The following PRUNE2 variants were observed in gnomAD, a reference collection of about 807,000 sequenced individuals.
PRUNE2 encodes the protein protein prune homolog 2.
A neutral mutation model predicts 252.0 loss-of-function variants in PRUNE2; 164 were observed. That is an observed-to-expected ratio of 0.65 (90% CI 0.57 to 0.74). The LOEUF (loss-of-function observed/expected upper bound fraction) is 0.74. PRUNE2 is among the 30% of genes least tolerant of loss of function. PRUNE2 has a pLI of 0.00. For synonymous variants in PRUNE2, 1,292 were observed against 1,350.2 expected (o/e 0.96, Z 0.94); for missense variants, 3,495 against 3,711.0 (o/e 0.94, Z 1.51).
chr9:76,776,306 G>A (rs1206253226), intron 6 of PRUNE2, among the ~76,000 whole-genome samples: 1 of 151,794 alleles, frequency 6.6e-6, no homozygotes, highest in African/African-American at 2.4e-5. Flanking sequence ...CCACCTTTTG[G>A]ACTCTCCGAT....
intron 6 of PRUNE2, among the ~76,000 whole-genome samples, chr9:76,774,561 C>A (rs753892753): frequency 6.7e-6 from 1 of 149,078 alleles, no homozygotes; most frequent in Non-Finnish European, 1.5e-5. Context: ...CAGATTCAAG[C>A]AATTCTCCTG....
chr9:76,832,524 C>T (rs1036184297), intron 4 of PRUNE2, among the ~76,000 whole-genome samples: 3 of 151,962 alleles, frequency 2.0e-5, no homozygotes, highest in Non-Finnish European at 2.9e-5. Flanking sequence ...ATATATAATA[C>T]TTTTAACTAA....
At chr9:76,760,516 A>T (rs1187687668) in intron 6 of PRUNE2, among the ~76,000 whole-genome samples, 1 of 152,174 alleles carries the variant, frequency 6.6e-6, no homozygotes, top group African/African-American at 2.4e-5. Context: ...CAAAACCATT[A>T]GAATAACCTC....
At position 76,711,288 on chromosome 9, in the gene PRUNE2, T is replaced by G. The variant is rs762350587; in HGVS notation, c.986A>C (p.Glu329Ala). The change falls in exon 8 of 19, where the codon GAG (glutamate) becomes GCG (alanine). Residue 329 changes from glutamate to alanine, a missense_variant. Transcript: ENST00000376718. ...ELEPFDCGCD[E>A]ILVYQQEDPS... ...GTCCTCTTGTTGGTACACCAGGATC[T>G]CATCACAGCCACAGTCAAAGGGCTC... The G allele has an allele frequency of 6.2e-7, 1 of 1,613,860 alleles. No homozygotes were observed. Among genetic ancestry groups the G allele is most frequent in the East Asian group, 2.2e-5 (1 of 44,858 alleles).
chr9:76,878,909 A>C (rs1315959671), intron 1 of PRUNE2, among the ~76,000 whole-genome samples: 1 of 152,222 alleles, frequency 6.6e-6, no homozygotes, highest in African/African-American at 2.4e-5. Context: ...AGGAGTTAGA[A>C]AGTATTTTTT....
chr9:76,635,650 A>C (rs1263947602), intron 15 of PRUNE2, among the ~76,000 whole-genome samples: 7 of 152,156 alleles, frequency 4.6e-5, no homozygotes, highest in African/African-American at 1.4e-4. Context: ...TGTACACACA[A>C]AAAAAAGATT....
rs571135353 is a variant in PRUNE2, at chr9:76,815,457, G to A, written c.756+8175C>T. 1.2e-4 allele frequency among the ~76,000 whole-genome samples: 19 copies of A among 152,256 alleles called. No individual in the cohort carries two copies. The East Asian group carries it at 1.7e-3, about 14-fold the overall frequency. On this transcript the variant is annotated intron_variant, in intron 6 of 18. Coordinates refer to ENST00000376718, the MANE Select transcript of PRUNE2 (RefSeq NM_015225.3). ...TCCTCATAAATGGCACCTTCTCACCGCATATTCACATGGCAAAAGGGACAA... is the reference window on the plus strand; with the variant it reads ...TCCTCATAAATGGCACCTTCTCACCACATATTCACATGGCAAAAGGGACAA...
chr9:76,837,448 A>T (rs920866176), intron 4 of PRUNE2, among the ~76,000 whole-genome samples: 26 of 65,782 alleles, frequency 4.0e-4, no homozygotes, highest in Non-Finnish European at 4.4e-4. Context: ...CTCAAATAAT[A>T]ATAATAATAA....
intron 1 of PRUNE2, among the ~76,000 whole-genome samples, chr9:76,889,360 G>A (rs2062319271): frequency 6.6e-6 from 1 of 151,262 alleles, no homozygotes. Flanking sequence ...TTGAGACAGA[G>A]TTTAGGCTGG....
At chr9:76,742,430 C>T (rs1230984936) in intron 6 of PRUNE2, among the ~76,000 whole-genome samples, 1 of 151,938 alleles carries the variant, frequency 6.6e-6, no homozygotes, top group Non-Finnish European at 1.5e-5. Context: ...GCCTGGGCAA[C>T]ATAGTGAGAC....
In PRUNE2 at chr9:76,843,065, C is replaced by T. The variant is rs556954647; in HGVS notation, c.508+3450G>A. Among the ~76,000 whole-genome samples the T allele has an allele frequency of 3.3e-5, 5 of 152,258 alleles. No individual in the cohort carries two copies. The East Asian group carries it at 9.6e-4, about 29-fold the overall frequency. The stretch of plus-strand genomic sequence containing the variant: ...CGCACTATTCACAAAGACTTGGAAC[C>T]AACCCAAATGCCCATCAATGATAGA... On this transcript the variant is annotated intron_variant, in intron 4 of 18. Transcript: ENST00000376718.
intron 9 of PRUNE2, among the ~76,000 whole-genome samples, chr9:76,687,975 A>G (rs2134372104): frequency 6.6e-6 from 1 of 152,320 alleles, no homozygotes; most frequent in East Asian, 1.9e-4. Flanking sequence ...AGGATAGATT[A>G]TATCTGAACT....
intron 18 of PRUNE2, among the ~76,000 whole-genome samples, chr9:76,615,769 GTTT>G (rs58726178): frequency 1.1e-5 from 1 of 93,966 alleles, no homozygotes; most frequent in Admixed American, 1.5e-4. Flanking sequence ...TGTGTGTGTG[GTTT>G]TTTTTTTTTT....
intron 1 of PRUNE2, among the ~76,000 whole-genome samples, chr9:76,859,261 C>T (rs999192218): frequency 6.6e-6 from 1 of 152,112 alleles, no homozygotes; most frequent in East Asian, 1.9e-4. Flanking sequence ...AAAGTGTAAT[C>T]CTATATACCG....
At chr9:76,776,893 TACAC>T (rs541232508) in intron 6 of PRUNE2, among the ~76,000 whole-genome samples, 1,280 of 115,628 alleles carry the variant, frequency 0.011, 6 homozygotes, top group East Asian at 0.028. Flanking sequence ...CCAAAACACA[TACAC>T]ACACACACAC....
chr9:76,627,955 G>T (rs1023476683), intron 16 of PRUNE2: 1 of 225,638 alleles, frequency 4.4e-6, no homozygotes, highest in Non-Finnish European at 9.4e-6. Flanking sequence ...TCTAGGCTGG[G>T]CCTTTTTAAT....
At chr9:76,702,850 C>A (rs1314806580) in intron 9 of PRUNE2, among the ~76,000 whole-genome samples, 1 of 152,134 alleles carries the variant, frequency 6.6e-6, no homozygotes, top group Non-Finnish European at 1.5e-5. Flanking sequence ...TGGCAAGCTT[C>A]GAATCCCAGG....
At chr9:76,798,685 T>TAC (rs1441136848) in intron 6 of PRUNE2, among the ~76,000 whole-genome samples, 2 of 152,190 alleles carry the variant, frequency 1.3e-5, no homozygotes, top group African/African-American at 4.8e-5. Context: ...CTCAGAGGCC[T>TAC]ACACCAGAGC....
intron 9 of PRUNE2, chr9:76,692,485 T>G (rs1168710323): frequency 3.9e-6 from 1 of 258,918 alleles, no homozygotes; most frequent in East Asian, 9.6e-5. Flanking sequence ...ATCCTGTAGT[T>G]TCACAGCACA....
Sources: gnomAD v4.1 joint callset for allele counts (sites outside exome capture counted in the v4.1 genomes callset) on GRCh38, gnomAD v4.1.1 for gene constraint, MANE v1.5 for transcripts, NCBI Gene and HGNC (gene_info 2026-07-23, HGNC 2026-07-21) for gene names.